Variants in HEPACAM observed in about 807,000 individuals in gnomAD.
The protein encoded by HEPACAM is hepatic and glial cell adhesion molecule, also known as hepatocyte cell adhesion molecule.
A neutral mutation model predicts 38.3 loss-of-function variants in HEPACAM; 18 were observed. That is an observed-to-expected ratio of 0.47 (90% CI 0.33 to 0.70). HEPACAM has a LOEUF of 0.70. HEPACAM is among the 30% of genes least tolerant of loss of function. The pLI is 0.03. For missense variants in HEPACAM, 466 were observed against 563.0 expected (o/e 0.83, Z 1.74); for synonymous variants, 216 against 243.1 (o/e 0.89, Z 1.04).
rs138631333 is a variant in HEPACAM at position 124,934,524 on chromosome 11, C to T, written c.85+1398G>A. 7.3e-4 allele frequency among the ~76,000 whole-genome samples: 111 copies of T among 151,100 alleles called. 1 individual carries two copies. The highest frequency in any genetic ancestry group is 3.7e-3 in the East Asian group (19 of 5,148). On this transcript the variant is annotated intron_variant, in intron 1 of 6. Transcript: ENST00000298251. ...AAATGTGGACATAGACATGCAAACA[C>T]GGGGAATGCCATACCAAGACTGGAG...
chr11:124,921,625 A>G lies in HEPACAM; in HGVS notation c.949-185T>C, dbSNP rs559474044. ...TTCCACACTGAGCATGGGGCCTCCT[A>G]GCACATAATAGGTGTTAAGTAAATG... On this transcript the variant is annotated intron_variant, in intron 6 of 6. Coordinates refer to ENST00000298251, the MANE Select transcript of HEPACAM (RefSeq NM_152722.5). This position sits in a 1 kb window ranked among gnomAD's most constrained non-coding sequence, Gnocchi z 4.6. Among the ~76,000 whole-genome samples the G allele has an allele frequency of 6.6e-6, 1 of 152,308 alleles. No homozygotes were observed. Among genetic ancestry groups the G allele is most frequent in the African/African-American group, 2.4e-5 (1 of 41,576 alleles).
At position 124,921,207 on chromosome 11, in the gene HEPACAM, T is replaced by A. The variant is rs759254407; in HGVS notation, c.1182A>T (p.Thr394=). ...TTATGTGCACGCCCGCAGTCCGCAGTGTGCGCGAGGCGCTGCGCGAGCGGC... is the reference window on the plus strand; with the variant it reads ...TTATGTGCACGCCCGCAGTCCGCAGAGTGCGCGAGGCGCTGCGCGAGCGGC... ...SPGRSRSASR[T]LRTAGVHIIR... Residue 394 remains threonine, a synonymous_variant, in exon 7 of 7, where the codon ACA becomes ACT. Coordinates refer to ENST00000298251, the MANE Select transcript of HEPACAM (RefSeq NM_152722.5). This position sits in a 1 kb window ranked among gnomAD's most constrained non-coding sequence, Gnocchi z 4.6. 6.6e-7 allele frequency: 1 copy of A among 1,507,206 alleles called. No individual in the cohort carries two copies. Among genetic ancestry groups the A allele is most frequent in the South Asian group, 1.2e-5 (1 of 81,462 alleles). The allele number at this position is 1,507,206 out of a possible 1,614,324, so 93.4% of individuals were successfully genotyped here. A position where few individuals can be genotyped will look rare whatever the true frequency, so the allele number is the denominator to read the frequency against.
intron 1 of HEPACAM, among the ~76,000 whole-genome samples, chr11:124,927,547 G>C (rs906067683): frequency 2.7e-5 from 1 of 37,444 alleles, no homozygotes; most frequent in Admixed American, 2.7e-4. Context: ...GTATTTTTTT[G>C]TAGAAACGGG....
chr11:124,922,422 T>G lies in HEPACAM; in HGVS notation c.914A>C (p.Lys305Thr). 1 of 1,614,180 alleles carries G rather than the reference T, an allele frequency of 6.2e-7. No individual in the cohort carries two copies. Among genetic ancestry groups the G allele is most frequent in the Non-Finnish European group, 8.5e-7 (1 of 1,180,026 alleles). The change falls in exon 6 of 7, where the codon AAG (lysine) becomes ACG (threonine). Residue 305 changes from lysine (K) to threonine (T), a missense_variant. Transcript: ENST00000298251. The part of the protein sequence containing the change: ...TLPRSGEQER[K>T]NPMALYILKD... ...CAGGATATAGAGTGCCATGGGGTTC[T>G]TCCGTTCCTGCTCACCACTTCGAGG...
chr11:124,927,868 G>T (rs1399996002), intron 1 of HEPACAM, among the ~76,000 whole-genome samples: 1 of 152,034 alleles, frequency 6.6e-6, no homozygotes, highest in Admixed American at 6.6e-5. Context: ...TCCAGGCTGG[G>T]TGACAGAGCA....
chr11:124,926,117 G>A (rs1008423163), intron 1 of HEPACAM, among the ~76,000 whole-genome samples: 8 of 152,168 alleles, frequency 5.3e-5, no homozygotes, highest in Non-Finnish European at 7.3e-5. Flanking sequence ...CATGAGAATC[G>A]CTTGAACCCA....
chr11:124,932,099 T>C (rs1354844076), intron 1 of HEPACAM, among the ~76,000 whole-genome samples: 1 of 152,208 alleles, frequency 6.6e-6, no homozygotes, highest in Non-Finnish European at 1.5e-5. Context: ...TGAGGGTGAT[T>C]CTGAGGTGCC....
At chr11:124,926,859 A>G (rs569867822) in intron 1 of HEPACAM, among the ~76,000 whole-genome samples, 21 of 152,094 alleles carry the variant, frequency 1.4e-4, no homozygotes, top group Middle Eastern at 3.4e-3. Flanking sequence ...GGTGGTGAAG[A>G]ACAAAGCAAA....
Position 124,924,136 on chromosome 11 carries a change from G to A in HEPACAM, c.428-126C>T, listed in dbSNP as rs1947176933. The stretch of plus-strand genomic sequence containing the variant: ...TCCAACTCAATCTGTGGGCTGAGAA[G>A]ACTTCAGACATCCTAAGTCCAGTTC... On this transcript the variant is annotated intron_variant, in intron 2 of 6. Transcript: ENST00000298251. The surrounding 1 kb of genome is among the most constrained non-coding windows in gnomAD (Gnocchi z 4.4). 1 of 896,646 alleles carries A rather than the reference G, an allele frequency of 1.1e-6. No individual in the cohort carries two copies. The highest frequency in any genetic ancestry group is 1.8e-6 in the Non-Finnish European group (1 of 569,224). The allele number at this position is 896,646 out of a possible 1,614,324, so 55.5% of individuals were successfully genotyped here. A position where few individuals can be genotyped will look rare whatever the true frequency, so the allele number is the denominator to read the frequency against.
At chr11:124,923,146 C>T (rs1235494704) in intron 4 of HEPACAM, among the ~76,000 whole-genome samples, 194 bp downstream of exon 4, 1 of 152,182 alleles carries the variant, frequency 6.6e-6, no homozygotes, top group Non-Finnish European at 1.5e-5. Context: ...GTGAAAAAAC[C>T]TATTGTTACT....
At position 124,920,920 on chromosome 11, in the gene HEPACAM, G is replaced by A; in HGVS notation, c.*218C>T. ...CAAGTGAGGACACAGCCAGTAAACC[G>A]GAAGCAAATGCGACCCGGTTTCACC... is the stretch of plus-strand genomic sequence containing the variant. On this transcript the variant is annotated 3_prime_UTR_variant, in exon 7 of 7. Coordinates refer to ENST00000298251, the MANE Select transcript of HEPACAM (RefSeq NM_152722.5). The A allele has an allele frequency of 7.4e-7, 1 of 1,352,638 alleles. No homozygotes were observed. Among genetic ancestry groups the A allele is most frequent in the Non-Finnish European group, 9.5e-7 (1 of 1,055,426 alleles). 83.8% of individuals were successfully genotyped at this position (1,352,638 alleles called of 1,614,324 possible). A position where few individuals can be genotyped will look rare whatever the true frequency, so the allele number is the denominator to read the frequency against.
Position 124,931,553 on chromosome 11 carries a change from G to A in HEPACAM, c.85+4369C>T, listed in dbSNP as rs538684867. Among the ~76,000 whole-genome samples the A allele has an allele frequency of 1.1e-3, 162 of 152,018 alleles. 1 individual carries two copies. The highest frequency in any genetic ancestry group is 3.4e-3 in the Middle Eastern group (1 of 294). ...TTCATACCCAATAGGATGGCCAAAA[G>A]GAAAAAAAGAAAATACAATTATTGG... On this transcript the variant is annotated intron_variant, in intron 1 of 6. Transcript: ENST00000298251.
At chr11:124,923,196 G>A in intron 4 of HEPACAM, 144 bp downstream of exon 4, 1 of 764,962 alleles carries the variant, frequency 1.3e-6, no homozygotes. Flanking sequence ...CAAGATGCTG[G>A]TGCATACACA....
Position 124,920,143 on chromosome 11 carries a change from TC to T in HEPACAM, c.*994del. On this transcript the variant is annotated 3_prime_UTR_variant, in exon 7 of 7. Coordinates refer to ENST00000298251, the MANE Select transcript of HEPACAM (RefSeq NM_152722.5). The stretch of plus-strand genomic sequence containing the variant: ...TGCTGGGAAGCAATAAGCCTCCTCC[TC>T]CCCCCACCATTTCTCTGGAGATTAG... 7 of 1,095,872 alleles carry T rather than the reference TC, an allele frequency of 6.4e-6. No homozygotes were observed. The highest frequency in any genetic ancestry group is 9.3e-6 in the Non-Finnish European group (7 of 756,202). The allele number at this position is 1,095,872 out of a possible 1,614,324, so 67.9% of individuals were successfully genotyped here. A position where few individuals can be genotyped will look rare whatever the true frequency, so the allele number is the denominator to read the frequency against.
At position 124,924,706 on chromosome 11, in the gene HEPACAM, T is replaced by G. The variant is rs368718687; in HGVS notation, c.427+22A>C. ...TAGTCCCACCTGCCAGTCTTGCCTC[T>G]TTCCCTGCCAGAGCGCTTTACCATC... On this transcript the variant is annotated intron_variant, in intron 2 of 6. Coordinates refer to ENST00000298251, the MANE Select transcript of HEPACAM (RefSeq NM_152722.5). This position sits in a 1 kb window ranked among gnomAD's most constrained non-coding sequence, Gnocchi z 4.4. 8 of 1,605,504 alleles carry G rather than the reference T, an allele frequency of 5.0e-6. No homozygotes were observed. The African/African-American group carries it at 1.1e-4, about 21-fold the overall frequency.
chr11:124,933,490 G>A (rs970908909), intron 1 of HEPACAM, among the ~76,000 whole-genome samples: 1 of 152,118 alleles, frequency 6.6e-6, no homozygotes, highest in Non-Finnish European at 1.5e-5. Context: ...ATGTTTTGGT[G>A]TATTTACTAA....
intron 3 of HEPACAM, 95 bp from the exon 4 acceptor site, chr11:124,923,528 C>G (rs1947167080): frequency 8.8e-7 from 1 of 1,140,156 alleles, no homozygotes; most frequent in African/African-American, 1.5e-5. Flanking sequence ...AGAGGGGGAG[C>G]CCCAGGCTGC....
At position 124,921,080 on chromosome 11, in the gene HEPACAM, T is replaced by C. The variant is rs2135395518; in HGVS notation, c.*58A>G. 7 of 1,505,912 alleles carry C rather than the reference T, an allele frequency of 4.6e-6. No individual in the cohort carries two copies. Among genetic ancestry groups the C allele is most frequent in the Non-Finnish European group, 5.3e-6 (6 of 1,132,628 alleles). The allele number at this position is 1,505,912 out of a possible 1,614,324, so 93.3% of individuals were successfully genotyped here. On this transcript the variant is annotated 3_prime_UTR_variant, in exon 7 of 7. Coordinates refer to ENST00000298251, the MANE Select transcript of HEPACAM (RefSeq NM_152722.5). The surrounding 1 kb of genome is among the most constrained non-coding windows in gnomAD (Gnocchi z 4.6). ...CGCGCCCGGGCTTCCCAGCCCCAGCTTTCCCCCGGGCCACTGGCCGCAGAC... is the reference window on the plus strand; with the variant it reads ...CGCGCCCGGGCTTCCCAGCCCCAGCCTTCCCCCGGGCCACTGGCCGCAGAC...
intron 3 of HEPACAM, 86 bp from the exon 4 acceptor site, chr11:124,923,519 G>C (rs1947166871): frequency 1.0e-5 from 12 of 1,171,740 alleles, no homozygotes; most frequent in Non-Finnish European, 1.5e-5. Flanking sequence ...GGATGGAAGA[G>C]AGGGGGAGCC....
Sources: gnomAD v4.1 joint callset for allele counts (sites outside exome capture counted in the v4.1 genomes callset) on GRCh38, gnomAD v4.1.1 for gene constraint, Gnocchi (gnomAD v3.1) non-coding constraint, MANE v1.5 for transcripts, NCBI Gene and HGNC (gene_info 2026-07-23, HGNC 2026-07-21) for gene names.